CSMD1: variants seen among roughly 807,000 people sequenced by gnomAD.
The protein encoded by CSMD1 is CUB and sushi domain-containing protein 1.
CSMD1 carries 213 observed loss-of-function variants against 417.5 expected under a neutral mutation model. That is an observed-to-expected ratio of 0.51 (90% CI 0.46 to 0.57). CSMD1 has a LOEUF of 0.57. Ranked by LOEUF, CSMD1 falls within the 20% of genes least tolerant of loss-of-function variation. The pLI is 0.00. For missense variants in CSMD1, 6,923 were observed against 4,529.7 expected (o/e 1.53, Z -15.17); for synonymous variants, 2,862 against 1,736.8 (o/e 1.65, Z -16.11).
intron 30 of CSMD1, among the ~76,000 whole-genome samples, chr8:3,210,912 C>T (rs549894481): frequency 2.0e-5 from 3 of 152,080 alleles, no homozygotes; most frequent in South Asian, 2.1e-4. Context: ...AATTTTGCTA[C>T]CTACTTTTAT....
At chr8:4,801,421 C>T (rs942408948) in intron 1 of CSMD1, among the ~76,000 whole-genome samples, 1 of 152,014 alleles carries the variant, frequency 6.6e-6, no homozygotes, top group African/African-American at 2.4e-5. Context: ...TCTATTTCGG[C>T]CAGTCAGCTA....
At chr8:3,222,631 T>A (rs965980478) in intron 28 of CSMD1, among the ~76,000 whole-genome samples, 5 of 152,156 alleles carry the variant, frequency 3.3e-5, no homozygotes, top group Non-Finnish European at 7.3e-5. Flanking sequence ...CCATTTATAA[T>A]ATCTTGAAAC....
intron 3 of CSMD1, among the ~76,000 whole-genome samples, chr8:4,128,089 A>G (rs145052852): frequency 2.1e-4 from 32 of 152,252 alleles, no homozygotes; most frequent in African/African-American, 7.5e-4. Flanking sequence ...TGGTTCCTCA[A>G]CAGTCTTCAC....
intron 1 of CSMD1, among the ~76,000 whole-genome samples, chr8:4,952,632 G>C (rs925816107): frequency 6.6e-6 from 1 of 151,992 alleles, no homozygotes; most frequent in Non-Finnish European, 1.5e-5. Flanking sequence ...AGTTGATATG[G>C]TGATTGTGGT....
At chr8:3,163,225 T>C (rs776403860) in intron 37 of CSMD1, among the ~76,000 whole-genome samples, 9 of 152,170 alleles carry the variant, frequency 5.9e-5, no homozygotes, top group Non-Finnish European at 1.0e-4. Context: ...TAACATGTCA[T>C]GAAGAAATAG....
At chr8:3,498,936 T>A (rs970999559) in intron 10 of CSMD1, among the ~76,000 whole-genome samples, 1 of 152,206 alleles carries the variant, frequency 6.6e-6, no homozygotes, top group Non-Finnish European at 1.5e-5. Flanking sequence ...TTCTACTGAT[T>A]CTCACGGCGT....
chr8:4,417,445 C>G (rs940991757), intron 3 of CSMD1, among the ~76,000 whole-genome samples: 6 of 151,996 alleles, frequency 3.9e-5, no homozygotes, highest in African/African-American at 9.7e-5. Flanking sequence ...CTTCTCCTTT[C>G]AAGCCAATAC....
chr8:3,730,196 G>A (rs1327489119), intron 6 of CSMD1, among the ~76,000 whole-genome samples: 2 of 151,976 alleles, frequency 1.3e-5, no homozygotes, highest in African/African-American at 2.4e-5. Context: ...CAACAGGTAG[G>A]CAGAGAATGA....
intron 11 of CSMD1, among the ~76,000 whole-genome samples, chr8:3,484,882 T>C (rs1279457360): frequency 6.6e-6 from 1 of 152,166 alleles, no homozygotes; most frequent in Non-Finnish European, 1.5e-5. Flanking sequence ...GAGGTGTCAT[T>C]ACACAACTTT....
At position 4,637,548 on chromosome 8, in the gene CSMD1, A is replaced by G. The variant is rs1249042418; in HGVS notation, c.96T>C (p.Cys32=). ...RLLTAAKGQN[C]GGLVQGPNGT... ...CATTGGGACCCTGGACTAAGCCTCCACAGTTCTGACCTGGAAGAGAAAACA... is the reference window on the plus strand; with the variant it reads ...CATTGGGACCCTGGACTAAGCCTCCGCAGTTCTGACCTGGAAGAGAAAACA... The change falls in exon 2 of 70, where the codon TGT becomes TGC. Residue 32 remains cysteine (C), a synonymous_variant. Coordinates refer to ENST00000635120, the MANE Select transcript of CSMD1 (RefSeq NM_033225.6). 5.0e-6 allele frequency: 8 copies of G among 1,610,522 alleles called. No individual in the cohort carries two copies. Among genetic ancestry groups the G allele is most frequent in the Non-Finnish European group, 6.8e-6 (8 of 1,177,848 alleles).
intron 3 of CSMD1, among the ~76,000 whole-genome samples, chr8:4,215,981 T>A (rs1011673868): frequency 1.3e-5 from 2 of 152,210 alleles, no homozygotes; most frequent in African/African-American, 4.8e-5. Context: ...AGACTTAAAC[T>A]CAGAGAGTGG....
intron 7 of CSMD1, among the ~76,000 whole-genome samples, chr8:3,661,793 G>A (rs1258531725): frequency 2.6e-5 from 4 of 152,050 alleles, no homozygotes; most frequent in African/African-American, 4.8e-5. Context: ...CACCATGACC[G>A]GCAAACTCCT....
chr8:3,870,630 G>A (rs929154773), intron 5 of CSMD1, among the ~76,000 whole-genome samples: 5 of 152,112 alleles, frequency 3.3e-5, no homozygotes, highest in African/African-American at 1.2e-4. Context: ...AATCTTACAG[G>A]TGAAATGGGA....
chr8:4,025,586 A>G (rs564502436), intron 4 of CSMD1, among the ~76,000 whole-genome samples: 1 of 152,312 alleles, frequency 6.6e-6, no homozygotes, highest in South Asian at 2.1e-4. Context: ...TAAGAAGTGA[A>G]ACAGTAAATC....
At chr8:3,408,455 G>A (rs868058274) in intron 13 of CSMD1, among the ~76,000 whole-genome samples, 1 of 151,148 alleles carries the variant, frequency 6.6e-6, no homozygotes, top group Non-Finnish European at 1.5e-5. Flanking sequence ...ACATAATCAA[G>A]CACAAGCGTG....
At chr8:3,673,203 T>A (rs1172733922) in intron 7 of CSMD1, among the ~76,000 whole-genome samples, 1 of 152,212 alleles carries the variant, frequency 6.6e-6, no homozygotes, top group African/African-American at 2.4e-5. Flanking sequence ...CAACCACATA[T>A]GCCCCTGTGC....
intron 2 of CSMD1, among the ~76,000 whole-genome samples, chr8:4,464,456 T>C (rs1585121089): frequency 6.6e-6 from 1 of 152,208 alleles, no homozygotes; most frequent in East Asian, 1.9e-4. Context: ...CACATTAGCC[T>C]ACAGCTGGGA....
intron 4 of CSMD1, among the ~76,000 whole-genome samples, chr8:4,028,246 A>C (rs1491002521): frequency 6.6e-6 from 1 of 152,202 alleles, no homozygotes; most frequent in African/African-American, 2.4e-5. Flanking sequence ...TCCCAAATCT[A>C]ACATCTATTA....
rs146886048 is a variant in CSMD1 at position 3,819,965 on chromosome 8, G to A, written c.819-65923C>T. Among the ~76,000 whole-genome samples the A allele has an allele frequency of 4.9e-4, 74 of 152,220 alleles. No individual in the cohort carries two copies. The East Asian group carries it at 0.012, about 25-fold the overall frequency. On this transcript the variant is annotated intron_variant, in intron 5 of 69. Coordinates refer to ENST00000635120, the MANE Select transcript of CSMD1 (RefSeq NM_033225.6). The stretch of plus-strand genomic sequence containing the variant: ...TCCCTTGAATAATTCATCGTTTCCC[G>A]AATTGCTGTCCCCAGACTTGAATCC...
Sources: allele counts gnomAD v4.1 joint callset (sites outside exome capture counted in the v4.1 genomes callset), GRCh38; gene constraint gnomAD v4.1.1; transcripts MANE v1.5; gene names NCBI Gene and HGNC (gene_info 2026-07-23, HGNC 2026-07-21).